Variants in TENT2 observed in about 807,000 individuals in gnomAD.
TENT2 encodes the protein terminal nucleotidyltransferase 2.
TENT2 carries 44 observed loss-of-function variants against 72.2 expected under a neutral mutation model. The ratio of observed to expected loss-of-function variants is 0.61; its 90% CI spans 0.48 to 0.78. The LOEUF is 0.78. Ranked by LOEUF, TENT2 falls within the 30% of genes least tolerant of loss-of-function variation. The pLI is 0.00. For missense variants in TENT2, 541 were observed against 569.6 expected (o/e 0.95, Z 0.51); for synonymous variants, 212 against 192.5 (o/e 1.10, Z -0.84).
intron 12 of TENT2, among the ~76,000 whole-genome samples, chr5:79,672,525 T>C (rs760108735): frequency 6.6e-6 from 1 of 152,202 alleles, no homozygotes; most frequent in South Asian, 2.1e-4. Context: ...TTCAATTGTT[T>C]TAATTTTTAG....
intron 10 of TENT2, among the ~76,000 whole-genome samples, chr5:79,649,815 C>T (rs904305683): frequency 7.2e-5 from 11 of 152,042 alleles, no homozygotes; most frequent in East Asian, 5.8e-4. Context: ...ATTTCCTAGA[C>T]GTATAGGACA....
intron 1 of TENT2, chr5:79,615,076 G>A (rs1172258661): frequency 6.6e-6 from 1 of 152,144 alleles, no homozygotes; most frequent in East Asian, 1.9e-4. Flanking sequence ...GTTTTGCAGG[G>A]GCTCCAGAGC....
chr5:79,619,935 G>A, intron 2 of TENT2, 59 bp from the exon 3 acceptor site: 1 of 1,464,336 alleles, frequency 6.8e-7, no homozygotes, highest in Non-Finnish European at 9.3e-7. Context: ...TCAGAGACTG[G>A]TTTTGTTTTT....
At chr5:79,680,541 TAAGC>T (rs1308753818) in intron 13 of TENT2, among the ~76,000 whole-genome samples, 6 of 152,152 alleles carry the variant, frequency 3.9e-5, no homozygotes, top group Admixed American at 2.0e-4. Context: ...CACTAAAAAA[TAAGC>T]AAGAGGAGTA....
At chr5:79,662,887 G>C (rs1211177290) in intron 11 of TENT2, among the ~76,000 whole-genome samples, 1 of 152,130 alleles carries the variant, frequency 6.6e-6, no homozygotes, top group Non-Finnish European at 1.5e-5. Context: ...TAGCTGTGAA[G>C]GTTCTAGATA....
chr5:79,621,773 CA>C (rs1181361315), intron 3 of TENT2, among the ~76,000 whole-genome samples: 1 of 103,758 alleles, frequency 9.6e-6, no homozygotes, highest in Non-Finnish European at 1.8e-5. Context: ...AAAAAAAAAA[CA>C]AAAAAAACAA....
chr5:79,629,520 G>C (rs1773314365), intron 4 of TENT2, among the ~76,000 whole-genome samples: 1 of 152,134 alleles, frequency 6.6e-6, no homozygotes, highest in African/African-American at 2.4e-5. Context: ...GTGAGAGGGG[G>C]AGCCATTAAA....
At chr5:79,648,957 C>T (rs1791350411) in intron 9 of TENT2, 105 bp from the exon 10 acceptor site, 3 of 1,256,178 alleles carry the variant, frequency 2.4e-6, no homozygotes, top group Non-Finnish European at 3.3e-6. Context: ...GTTTAATATA[C>T]ACGGAGACAG....
chr5:79,626,786 C>T lies in TENT2; in HGVS notation c.465+3297C>T, dbSNP rs1005425760. Among the ~76,000 whole-genome samples, 7 of 142,962 alleles carry T rather than the reference C, an allele frequency of 4.9e-5. No individual in the cohort carries two copies. The East Asian group carries it at 6.0e-4, about 12-fold the overall frequency. The allele number at this position is 142,962 out of a possible 152,430, so 93.8% of individuals were successfully genotyped here. A position where few individuals can be genotyped will look rare whatever the true frequency, so the allele number is the denominator to read the frequency against. ...TATTTTTACTCATTTTAAAGACTATCGTGGATATGAAAGCCTATGTATAAA... is the reference window on the plus strand; with the variant it reads ...TATTTTTACTCATTTTAAAGACTATTGTGGATATGAAAGCCTATGTATAAA... On this transcript the variant is annotated intron_variant, in intron 4 of 14. Coordinates refer to ENST00000453514, the MANE Select transcript of TENT2 (RefSeq NM_001114394.3).
chr5:79,628,463 C>T (rs1772273456), intron 4 of TENT2, among the ~76,000 whole-genome samples: 1 of 152,144 alleles, frequency 6.6e-6, no homozygotes, highest in Admixed American at 6.5e-5. Context: ...GATGGTTGAT[C>T]CCCTTGAAGG....
chr5:79,647,688 TAGAC>T (rs1047017867), intron 8 of TENT2, among the ~76,000 whole-genome samples: 1 of 152,198 alleles, frequency 6.6e-6, no homozygotes, highest in East Asian at 1.9e-4. Context: ...GTTTTTATTT[TAGAC>T]AGTCTTTTCA....
At chr5:79,648,143 T>A (rs1050798922) in intron 8 of TENT2, among the ~76,000 whole-genome samples, 4 of 152,208 alleles carry the variant, frequency 2.6e-5, no homozygotes, top group South Asian at 4.1e-4. Flanking sequence ...TGGAAACTTG[T>A]GAGATTTAAA....
intron 1 of TENT2, among the ~76,000 whole-genome samples, chr5:79,617,213 C>A (rs558086174): frequency 1.3e-4 from 19 of 150,982 alleles, no homozygotes; most frequent in African/African-American, 4.6e-4. Flanking sequence ...ACTTTTTGTA[C>A]CCTCTTGTCA....
chr5:79,618,194 G>A (rs1478882775), intron 1 of TENT2, among the ~76,000 whole-genome samples: 1 of 151,984 alleles, frequency 6.6e-6, no homozygotes, highest in Admixed American at 6.6e-5. Flanking sequence ...CTGCTGGGTA[G>A]TTTTGCTTTC....
chr5:79,638,783 G>C (rs191037902), intron 4 of TENT2, among the ~76,000 whole-genome samples: 1 of 151,954 alleles, frequency 6.6e-6, no homozygotes, highest in East Asian at 1.9e-4. Flanking sequence ...GTTTTATTTT[G>C]TGGCCACATT....
rs980556953 is a variant in TENT2 at position 79,687,835 on chromosome 5, G to T, written c.*2562G>T. Among the ~76,000 whole-genome samples the T allele has an allele frequency of 6.6e-6, 1 of 152,178 alleles. No individual in the cohort carries two copies. The highest frequency in any genetic ancestry group is 2.4e-5 in the African/African-American group (1 of 41,446). On this transcript the variant is annotated 3_prime_UTR_variant, in exon 15 of 15. Transcript: ENST00000453514. The stretch of plus-strand genomic sequence containing the variant: ...ATAAATCTCATAGACATTAATGTTT[G>T]TAAGAAATTTTTAATTAAATGATGG...
chr5:79,674,451 AT>A (rs1311565021), intron 12 of TENT2, among the ~76,000 whole-genome samples: 3 of 152,326 alleles, frequency 2.0e-5, no homozygotes, highest in South Asian at 2.1e-4. Context: ...ATTTAAAGAG[AT>A]AGAACAGTCA....
intron 11 of TENT2, among the ~76,000 whole-genome samples, chr5:79,666,422 G>A (rs1050530327): frequency 2.6e-5 from 4 of 151,066 alleles, no homozygotes; most frequent in African/African-American, 9.7e-5. Context: ...GAGTGCAGTG[G>A]TGCAATGATG....
intron 9 of TENT2, 142 bp from the exon 10 acceptor site, chr5:79,648,920 A>T (rs1339559498): frequency 4.8e-6 from 5 of 1,031,354 alleles, no homozygotes; most frequent in Admixed American, 5.7e-5. Flanking sequence ...AGTTTTAGAC[A>T]TAAGACACAA....
Sources: gnomAD v4.1 joint callset for allele counts (sites outside exome capture counted in the v4.1 genomes callset) on GRCh38, gnomAD v4.1.1 for gene constraint, MANE v1.5 for transcripts, NCBI Gene and HGNC (gene_info 2026-07-23, HGNC 2026-07-21) for gene names.